The following ERI1 variants were observed in gnomAD, a reference collection of about 807,000 sequenced individuals.
ERI1 encodes the protein 3'-5' exoribonuclease 1.
A neutral mutation model predicts 39.7 loss-of-function variants in ERI1; 39 were observed. The ratio of observed to expected loss-of-function variants is 0.98; its 90% CI spans 0.76 to 1.28. ERI1 has a LOEUF of 1.28. Among genes scored for constraint, ERI1 ranks in the 50% most tolerant of loss-of-function variants. The pLI, the probability that ERI1 is intolerant of heterozygous loss-of-function variation, is 0.00. For synonymous variants in ERI1, 204 were observed against 149.6 expected, an observed-to-expected ratio of 1.36 and a Z score of -2.65; for missense variants, 581 against 416.9, an observed-to-expected ratio of 1.39 and a Z score of -3.43.
intron 6 of ERI1, among the ~76,000 whole-genome samples, chr8:9,021,238 C>G (rs995830955): frequency 6.6e-6 from 1 of 152,144 alleles, no homozygotes; most frequent in Admixed American, 6.5e-5. Flanking sequence ...TAAGTCACTT[C>G]TTATGACTGA....
chr8:9,052,992 G>C (rs770860121), intron 3 of ERI1, among the ~76,000 whole-genome samples: 7 of 152,100 alleles, frequency 4.6e-5, no homozygotes, highest in Non-Finnish European at 1.0e-4. Context: ...ATCACTAGTG[G>C]CTAATGATTT....
At chr8:9,073,327 G>T (rs548762560) in intron 3 of ERI1, among the ~76,000 whole-genome samples, 1 of 152,166 alleles carries the variant, frequency 6.6e-6, no homozygotes, top group Non-Finnish European at 1.5e-5. Flanking sequence ...CTTCTTTATG[G>T]AAGGATATTG....
At chr8:9,076,013 G>A (rs1285897035) in intron 3 of ERI1, among the ~76,000 whole-genome samples, 1 of 151,886 alleles carries the variant, frequency 6.6e-6, no homozygotes, top group Non-Finnish European at 1.5e-5. Context: ...ATGGCTCACT[G>A]CAGCCTCAAT....
chr8:9,099,068 C>T (rs1799969424), intron 3 of ERI1, among the ~76,000 whole-genome samples: 1 of 152,098 alleles, frequency 6.6e-6, no homozygotes. Context: ...CTCCTGACCT[C>T]AAATGATCCA....
intron 3 of ERI1, among the ~76,000 whole-genome samples, chr8:9,075,544 A>C (rs1799184301): frequency 6.6e-6 from 1 of 151,060 alleles, no homozygotes. Flanking sequence ...TACATGGAAT[A>C]GCACTGACCC....
At chr8:9,020,309 G>T (rs746846596) in intron 5 of ERI1, 41 bp from the exon 6 acceptor site, 1 of 1,089,430 alleles carries the variant, frequency 9.2e-7, no homozygotes, top group African/African-American at 1.6e-5. Context: ...GAATAGCATA[G>T]CGTTTATTTC....
At chr8:9,098,267 C>G (rs891888657) in intron 3 of ERI1, among the ~76,000 whole-genome samples, 6 of 151,458 alleles carry the variant, frequency 4.0e-5, no homozygotes, top group Admixed American at 3.9e-4. Flanking sequence ...CGCCTGTAAT[C>G]CCAGCACTTT....
intron 3 of ERI1, among the ~76,000 whole-genome samples, chr8:9,077,942 A>G (rs2117443783): frequency 6.6e-6 from 1 of 152,216 alleles, no homozygotes; most frequent in South Asian, 2.1e-4. Flanking sequence ...CTGTGTTCCC[A>G]GAATACTCTC....
intron 3 of ERI1, among the ~76,000 whole-genome samples, chr8:9,086,747 A>T (rs1394479043): frequency 2.0e-5 from 3 of 152,230 alleles, no homozygotes; most frequent in African/African-American, 7.2e-5. Context: ...ATAAACACAC[A>T]TTATAGAATA....
At chr8:9,029,454 A>G (rs7005056) in intron 6 of ERI1, among the ~76,000 whole-genome samples, 71,151 of 151,870 alleles carry the variant, frequency 0.47, 18,260 homozygotes, top group African/African-American at 0.63. Context: ...TCAGCCTCCC[A>G]GGTAGCTGGC....
chr8:9,028,265 C>G (rs931890006), intron 6 of ERI1, among the ~76,000 whole-genome samples: 2 of 152,136 alleles, frequency 1.3e-5, no homozygotes, highest in Admixed American at 6.6e-5. Context: ...TAGGTCTATT[C>G]CGATTTTCTG....
At chr8:9,014,984 C>T (rs1051847226) in intron 3 of ERI1, among the ~76,000 whole-genome samples, 1 of 152,136 alleles carries the variant, frequency 6.6e-6, no homozygotes, top group Non-Finnish European at 1.5e-5. Context: ...ACTATACGTG[C>T]ATGCCACCTC....
intron 6 of ERI1, among the ~76,000 whole-genome samples, chr8:9,028,638 T>G (rs1403372128): frequency 6.6e-6 from 1 of 152,318 alleles, no homozygotes; most frequent in East Asian, 1.9e-4. Flanking sequence ...TTTTTTCTTT[T>G]TTTGAGATGG....
At chr8:9,076,326 A>C (rs1275654952) in intron 3 of ERI1, among the ~76,000 whole-genome samples, 2 of 152,356 alleles carry the variant, frequency 1.3e-5, no homozygotes, top group Non-Finnish European at 2.9e-5. Context: ...TACAGAAGAG[A>C]GGGTATAAAT....
chr8:9,030,213 T>G lies in ERI1; in HGVS notation c.*179T>G. The G allele has an allele frequency of 1.3e-6, 1 of 776,136 alleles. No homozygotes were observed. The highest frequency in any genetic ancestry group is 2.0e-6 in the Non-Finnish European group (1 of 501,534). The allele number at this position is 776,136 out of a possible 1,614,324, so 48.1% of individuals were successfully genotyped here. Reference sequence around the variant, plus strand: ...AGATTTTGTAGGAAGGCATACTGAATTCTTTGTCACCAGCACTTTTGATAT... The same window carrying G: ...AGATTTTGTAGGAAGGCATACTGAAGTCTTTGTCACCAGCACTTTTGATAT... On this transcript the variant is annotated 3_prime_UTR_variant, in exon 7 of 7. Coordinates refer to ENST00000250263, the MANE Select transcript of ERI1 (RefSeq NM_153332.4).
chr8:9,093,899 G>C (rs541518549), intron 3 of ERI1, among the ~76,000 whole-genome samples: 82 of 152,252 alleles, frequency 5.4e-4, no homozygotes, highest in African/African-American at 1.9e-3. Flanking sequence ...TAATTATTTT[G>C]TCAATGGAAG....
intron 3 of ERI1, among the ~76,000 whole-genome samples, chr8:9,099,265 C>T (rs1286985954): frequency 6.6e-6 from 1 of 151,834 alleles, no homozygotes; most frequent in Non-Finnish European, 1.5e-5. Context: ...ATTTGAACTC[C>T]AATGCTACTG....
chr8:9,023,303 GT>G (rs1401101709), intron 6 of ERI1, among the ~76,000 whole-genome samples: 1 of 151,948 alleles, frequency 6.6e-6, no homozygotes, highest in Non-Finnish European at 1.5e-5. Context: ...AGGTGTCTCT[GT>G]CTTTTGTATT....
chr8:9,028,112 T>G (rs1797314250), intron 6 of ERI1, among the ~76,000 whole-genome samples: 1 of 152,210 alleles, frequency 6.6e-6, no homozygotes, highest in South Asian at 2.1e-4. Flanking sequence ...GAAGTATTTC[T>G]TCTTCAATTT....
Sources: allele counts gnomAD v4.1 joint callset (sites outside exome capture counted in the v4.1 genomes callset), GRCh38; gene constraint gnomAD v4.1.1; transcripts MANE v1.5; gene names NCBI Gene and HGNC (gene_info 2026-07-23, HGNC 2026-07-21).